The following SUGP1 variants were observed in gnomAD, a reference collection of about 807,000 sequenced individuals.
The protein encoded by SUGP1 is SURP and G-patch domain-containing protein 1.
SUGP1 carries 34 observed loss-of-function variants against 76.5 expected under a neutral mutation model. The ratio of observed to expected loss-of-function variants is 0.44; its 90% CI spans 0.34 to 0.59. The LOEUF is 0.59. Ranked by LOEUF, SUGP1 falls within the 20% of genes least tolerant of loss-of-function variation. The pLI is 0.01. For synonymous variants in SUGP1, 326 were observed against 326.2 expected (o/e 1.00, Z 0.01); for missense variants, 752 against 851.7 (o/e 0.88, Z 1.46).
intron 8 of SUGP1, 136 bp downstream of exon 8, chr19:19,296,853 C>A: frequency 1.3e-6 from 1 of 758,014 alleles, no homozygotes; most frequent in South Asian, 2.3e-5. Flanking sequence ...GTGGTATGTA[C>A]ACACAGTGGA....
At chr19:19,316,754 C>T (rs1221389459) in intron 1 of SUGP1, among the ~76,000 whole-genome samples, 161 bp from the exon 2 acceptor site, 1 of 152,114 alleles carries the variant, frequency 6.6e-6, no homozygotes, top group Admixed American at 6.6e-5. Context: ...ATACCATACC[C>T]TGTACTTACT....
chr19:19,294,988 A>C (rs1235234346), intron 8 of SUGP1, among the ~76,000 whole-genome samples: 1 of 152,182 alleles, frequency 6.6e-6, no homozygotes, highest in Non-Finnish European at 1.5e-5. Flanking sequence ...CAACTCAACA[A>C]CACAAACAAA....
Position 19,306,055 on chromosome 19 carries a change from C to G in SUGP1, c.332G>C (p.Ser111Thr). ...TSTDAPTSAP[S>T]APPSTPTPSA... ...GGGGGTGGGTGTGCTGGGAGGGGCG[C>G]TGGGCGCACTGGTCGGGGCGTCTGG... Residue 111 changes from serine (S) to threonine (T), a missense_variant, in exon 4 of 14, where the codon AGC becomes ACC. Around this residue, in one of 2 missense-constraint regions of SUGP1, gnomAD observed 620 missense variants for 617.3 expected, o/e 1.00. Transcript: ENST00000247001. 1 of 1,604,286 alleles carries G rather than the reference C, an allele frequency of 6.2e-7. No homozygotes were observed. The highest frequency in any genetic ancestry group is 8.5e-7 in the Non-Finnish European group (1 of 1,175,680).
chr19:19,280,847 C>G (rs1012118737), intron 8 of SUGP1: 6 of 152,618 alleles, frequency 3.9e-5, no homozygotes, highest in African/African-American at 1.4e-4. Context: ...TGGAACTTGG[C>G]AGGCTCCAGT....
At chr19:19,299,807 T>C (rs921964724) in intron 7 of SUGP1, among the ~76,000 whole-genome samples, 3 of 151,840 alleles carry the variant, frequency 2.0e-5, no homozygotes, top group African/African-American at 7.3e-5. Context: ...GTTTTGTTTT[T>C]CAAGATGGAG....
At chr19:19,279,524 G>C in intron 9 of SUGP1, 134 bp from the exon 10 acceptor site, 1 of 955,330 alleles carries the variant, frequency 1.0e-6, no homozygotes, top group Non-Finnish European at 1.5e-6. Flanking sequence ...CAGGACTGGA[G>C]CAAGGACTCT....
chr19:19,318,063 C>T (rs933374363), intron 1 of SUGP1, among the ~76,000 whole-genome samples: 2 of 149,902 alleles, frequency 1.3e-5, no homozygotes, highest in East Asian at 2.0e-4. Context: ...CTCCAATTTA[C>T]GCCTCTCAAA....
At chr19:19,302,089 C>T (rs2061276155) in intron 7 of SUGP1, 176 bp downstream of exon 7, 7 of 971,930 alleles carry the variant, frequency 7.2e-6, no homozygotes, top group Admixed American at 2.5e-5. Context: ...CTGGTGTGTG[C>T]GTGGGACATG....
chr19:19,281,128 T>C (rs1380560952), intron 8 of SUGP1: 1 of 152,278 alleles, frequency 6.6e-6, no homozygotes, highest in Non-Finnish European at 1.5e-5. Flanking sequence ...GGAGCCGAAG[T>C]CTGAGCATCT....
intron 8 of SUGP1, among the ~76,000 whole-genome samples, chr19:19,295,400 C>CG (rs1328631961): frequency 1.3e-5 from 2 of 151,540 alleles, no homozygotes; most frequent in African/African-American, 4.8e-5. Context: ...GTCAGGAGAT[C>CG]GAGATCATCC....
At chr19:19,291,933 A>ACACACACACAC (rs71170610) in intron 8 of SUGP1, among the ~76,000 whole-genome samples, 2 of 146,706 alleles carry the variant, frequency 1.4e-5, no homozygotes, top group South Asian at 2.2e-4. Flanking sequence ...ACACACACAC[A>ACACACACACAC]AAAGGGCCAA....
At chr19:19,307,575 CAG>C (rs1185820680) in intron 3 of SUGP1, among the ~76,000 whole-genome samples, 4 of 151,850 alleles carry the variant, frequency 2.6e-5, no homozygotes, top group African/African-American at 9.7e-5. Context: ...GAGAGGACAA[CAG>C]GGGTTGTCAG....
At chr19:19,306,336 G>A (rs117109209) in intron 3 of SUGP1, among the ~76,000 whole-genome samples, 4 of 152,196 alleles carry the variant, frequency 2.6e-5, no homozygotes, top group Admixed American at 6.5e-5. Context: ...TCTCGGTCGC[G>A]CTGCACCCAC....
intron 5 of SUGP1, 113 bp downstream of exon 5, chr19:19,303,611 G>A (rs764580955): frequency 2.8e-5 from 40 of 1,451,292 alleles, no homozygotes; most frequent in Non-Finnish European, 3.8e-5. Context: ...GTGAGAATCA[G>A]AAAACGCTTG....
chr19:19,276,887 G>A, intron 13 of SUGP1, 60 bp downstream of exon 13: 1 of 1,601,248 alleles, frequency 6.2e-7, no homozygotes, highest in South Asian at 1.1e-5. Context: ...GGAGCCTTCT[G>A]TTCCTACCAC....
rs200062643 is a variant in SUGP1 at position 19,297,106 on chromosome 19, C to A, written c.1126G>T (p.Ala376Ser). The A allele has an allele frequency of 1.2e-6, 2 of 1,613,854 alleles. No homozygotes were observed. The highest frequency in any genetic ancestry group is 1.3e-5 in the African/African-American group (1 of 75,024). The change falls in exon 8 of 14, where the codon GCA (alanine) becomes TCA (serine). Residue 376 changes from alanine (A) to serine (S), a missense_variant. Ala to Ser is a moderately conservative substitution (Grantham distance 99, BLOSUM62 1). Transcript: ENST00000247001. ...TTCCGCTTCCTCTTCACGGTGGCTG[C>A]GGAGGCTGGCTTCCCGGGGGCAGCT... The part of the protein sequence containing the change: ...APAAPGKPAS[A>S]ATVKRKRKSR...
At chr19:19,280,446 C>A (rs544836093) in intron 8 of SUGP1, 155 bp from the exon 9 acceptor site, 42 of 666,994 alleles carry the variant, frequency 6.3e-5, no homozygotes, top group Admixed American at 1.8e-4. Flanking sequence ...TACGTGACGG[C>A]CTCGGGGTCC....
At chr19:19,281,511 C>T (rs1232000159) in intron 8 of SUGP1, 2 of 152,114 alleles carry the variant, frequency 1.3e-5, no homozygotes, top group African/African-American at 4.8e-5. Context: ...GCCCTTGGGG[C>T]CAGGGAGGCA....
chr19:19,284,122 C>T (rs1180209442), intron 8 of SUGP1, among the ~76,000 whole-genome samples: 1 of 152,108 alleles, frequency 6.6e-6, no homozygotes, highest in Non-Finnish European at 1.5e-5. Context: ...ATATAGTAAA[C>T]CTTGAATAAC....
Sources: gnomAD v4.1 joint callset for allele counts (sites outside exome capture counted in the v4.1 genomes callset) on GRCh38, gnomAD v4.1.1 for gene constraint, gnomAD v4.1.1 regional missense constraint, MANE v1.5 for transcripts, NCBI Gene and HGNC (gene_info 2026-07-23, HGNC 2026-07-21) for gene names.